Variants in STAU2 observed in about 807,000 individuals in gnomAD.
The protein encoded by STAU2 is double-stranded RNA-binding protein Staufen homolog 2.
In STAU2, 20 loss-of-function variants were observed where a neutral mutation model predicts 65.9. The observed-to-expected ratio is 0.30, with a 90% CI of 0.21 to 0.44. The LOEUF is 0.44. Ranked by LOEUF, STAU2 falls within the 20% of genes least tolerant of loss-of-function variation. STAU2 has a pLI of 1.00. For synonymous variants in STAU2, 232 were observed against 233.9 expected, an observed-to-expected ratio of 0.99 and a Z score of 0.07; for missense variants, 558 against 683.9, an observed-to-expected ratio of 0.82 and a Z score of 2.05.
At chr8:73,721,380 C>T (rs911283499) in intron 3 of STAU2, among the ~76,000 whole-genome samples, 6 of 144,716 alleles carry the variant, frequency 4.1e-5, no homozygotes, top group African/African-American at 1.5e-4. Context: ...TGAACAAATA[C>T]GTATTCTACT....
Position 73,592,872 on chromosome 8 carries a change from A to C in STAU2, c.1161+2294T>G, listed in dbSNP as rs192810401. On this transcript the variant is annotated intron_variant, in intron 11 of 14. Coordinates refer to ENST00000524300, the MANE Select transcript of STAU2 (RefSeq NM_001164380.2). ...AGACTCCGTCTCAAAAAAACAACAA[A>C]AAAATCCTGTTTTTGCTGGTTTTAA... Among the ~76,000 whole-genome samples, 30 of 152,010 alleles carry C rather than the reference A, an allele frequency of 2.0e-4. No homozygotes were observed. The East Asian group carries it at 5.9e-3, about 30-fold the overall frequency.
In STAU2 at chr8:73,436,598, T is replaced by TTATTTA. The variant is rs761766240; in HGVS notation, c.1531-13897_1531-13896insTAAATA. 6.5e-3 allele frequency among the ~76,000 whole-genome samples: 975 copies of TTATTTA among 149,282 alleles called. 7 individuals carry two copies. The highest frequency in any genetic ancestry group is 0.01 in the Non-Finnish European group (707 of 67,932). On this transcript the variant is annotated intron_variant, in intron 13 of 14. Coordinates refer to ENST00000524300, the MANE Select transcript of STAU2 (RefSeq NM_001164380.2). The stretch of plus-strand genomic sequence containing the variant: ...TTTATTTATTTATTTATTTATTTAT[T>TTATTTA]TATTTTGAGACAGAGTCTTACTCTG...
intron 13 of STAU2, among the ~76,000 whole-genome samples, chr8:73,517,367 G>A (rs1273904890): frequency 6.6e-6 from 1 of 152,198 alleles, no homozygotes; most frequent in Non-Finnish European, 1.5e-5. Context: ...TGAGGTTACA[G>A]TGAGCTAAGA....
At chr8:73,581,927 GC>G (rs1186085799) in intron 12 of STAU2, among the ~76,000 whole-genome samples, 11 of 152,140 alleles carry the variant, frequency 7.2e-5, no homozygotes, top group Non-Finnish European at 1.3e-4. Flanking sequence ...ACAGATTTAA[GC>G]TTTTTCAGTG....
chr8:73,712,790 A>C (rs1034018717), intron 3 of STAU2, among the ~76,000 whole-genome samples: 12 of 152,212 alleles, frequency 7.9e-5, no homozygotes, highest in Admixed American at 1.3e-4. Flanking sequence ...CCTCATCTCT[A>C]CAAAAAAATA....
intron 12 of STAU2, among the ~76,000 whole-genome samples, chr8:73,576,208 T>C (rs907890927): frequency 1.3e-5 from 2 of 152,120 alleles, no homozygotes; most frequent in African/African-American, 2.4e-5. Context: ...AATAATATTG[T>C]TTATAATCAC....
chr8:73,597,718 C>T (rs1046426725), intron 10 of STAU2, among the ~76,000 whole-genome samples: 1 of 142,246 alleles, frequency 7.0e-6, no homozygotes, highest in African/African-American at 2.6e-5. Context: ...CAATTTCATG[C>T]TAAAATTTAA....
intron 13 of STAU2, chr8:73,551,704 C>T (rs888463523): frequency 7.8e-6 from 8 of 1,031,502 alleles, no homozygotes; most frequent in Admixed American, 5.6e-5. Context: ...GAAGACAGAG[C>T]GAAGAGATAG....
At chr8:73,690,328 C>CAAAAAAAAACA (rs1819240860) in intron 4 of STAU2, among the ~76,000 whole-genome samples, 1 of 58,256 alleles carries the variant, frequency 1.7e-5, no homozygotes, top group South Asian at 6.8e-4. Context: ...GACTCTGTCT[C>CAAAAAAAAACA]AAAAAAAAAA....
chr8:73,423,498 G>A (rs77689867), intron 13 of STAU2, among the ~76,000 whole-genome samples: 2,561 of 152,302 alleles, frequency 0.017, 31 homozygotes, highest in Non-Finnish European at 0.026. Flanking sequence ...ACTGCTGAGT[G>A]AGATTGGAAG....
chr8:73,505,586 C>A (rs1178868903), intron 13 of STAU2, among the ~76,000 whole-genome samples: 1 of 152,026 alleles, frequency 6.6e-6, no homozygotes, highest in Non-Finnish European at 1.5e-5. Flanking sequence ...CCCTAGTTCC[C>A]ATGGAGAGTC....
At chr8:73,499,746 T>C (rs1821629688) in intron 13 of STAU2, among the ~76,000 whole-genome samples, 1 of 151,698 alleles carries the variant, frequency 6.6e-6, no homozygotes, top group African/African-American at 2.4e-5. Context: ...TGTGTTAGAA[T>C]TAGGGAGACA....
At chr8:73,727,721 G>A (rs1805750248) in intron 3 of STAU2, 1 of 152,052 alleles carries the variant, frequency 6.6e-6, no homozygotes, top group South Asian at 2.1e-4. Context: ...AATTCTTCAG[G>A]GTATATACCT....
At position 73,429,413 on chromosome 8, in the gene STAU2, CTTTTTTTTTTTTTTTTTTTTTTTT is replaced by C. The variant is rs71561522; in HGVS notation, c.1531-6735_1531-6712del. On this transcript the variant is annotated intron_variant, in intron 13 of 14. Transcript: ENST00000524300. ...AACCAATCTATATTCTTGCTCAGGT[CTTTTTTTTTTTTTTTTTTTTTTTT>C]TTTTTTTTTTTTTGAGGCAAAGTCT... Among the ~76,000 whole-genome samples the C allele has an allele frequency of 1.8e-3, 117 of 65,364 alleles. 4 individuals carry two copies. Among genetic ancestry groups the C allele is most frequent in the African/African-American group, 4.7e-3 (104 of 22,352 alleles). The allele number at this position is 65,364 out of a possible 152,430, so 42.9% of individuals were successfully genotyped here.
At chr8:73,499,896 T>C (rs1394882150) in intron 13 of STAU2, among the ~76,000 whole-genome samples, 1 of 151,752 alleles carries the variant, frequency 6.6e-6, no homozygotes, top group African/African-American at 2.4e-5. Context: ...TAATCAGAAG[T>C]GAAATACCTC....
intron 13 of STAU2, among the ~76,000 whole-genome samples, chr8:73,494,785 T>C (rs1191882066): frequency 1.3e-5 from 2 of 151,748 alleles, no homozygotes; most frequent in African/African-American, 4.8e-5. Flanking sequence ...GCCACTTGTA[T>C]TGTAATTAGG....
chr8:73,705,994 C>T (rs1820477770), intron 4 of STAU2, among the ~76,000 whole-genome samples: 1 of 152,160 alleles, frequency 6.6e-6, no homozygotes, highest in African/African-American at 2.4e-5. Context: ...GAGACTCAGG[C>T]ATAAGTATTT....
chr8:73,505,697 T>C (rs988119214), intron 13 of STAU2, among the ~76,000 whole-genome samples: 3 of 152,152 alleles, frequency 2.0e-5, no homozygotes, highest in African/African-American at 7.2e-5. Context: ...AGAAAACTAC[T>C]TCTTAACTGC....
At chr8:73,424,516 G>A (rs966095758) in intron 13 of STAU2, among the ~76,000 whole-genome samples, 2 of 151,902 alleles carry the variant, frequency 1.3e-5, no homozygotes, top group East Asian at 1.9e-4. Flanking sequence ...TTTTGTGAAC[G>A]ATATGGCTTT....
Sources: gnomAD v4.1 joint callset for allele counts (sites outside exome capture counted in the v4.1 genomes callset) on GRCh38, gnomAD v4.1.1 for gene constraint, MANE v1.5 for transcripts, NCBI Gene and HGNC (gene_info 2026-07-23, HGNC 2026-07-21) for gene names.